ATP6V0D1: variants seen among roughly 807,000 people sequenced by gnomAD.
ATP6V0D1 encodes V-type proton ATPase subunit d 1.
In ATP6V0D1, 13 loss-of-function variants were observed where a neutral mutation model predicts 39.0. That is an observed-to-expected ratio of 0.33 (90% CI 0.22 to 0.53). ATP6V0D1 has a LOEUF of 0.53. Ranked by LOEUF, ATP6V0D1 falls within the 20% of genes least tolerant of loss-of-function variation. The pLI is 0.94. For synonymous variants in ATP6V0D1, 191 were observed against 191.2 expected, an observed-to-expected ratio of 1.00 and a Z score of 0.01; for missense variants, 272 against 470.9, an observed-to-expected ratio of 0.58 and a Z score of 3.91.
chr16:67,470,071 A>T (rs975797807), intron 1 of ATP6V0D1, among the ~76,000 whole-genome samples: 2 of 152,164 alleles, frequency 1.3e-5, no homozygotes, highest in African/African-American at 4.8e-5. Flanking sequence ...GTAAGAATAG[A>T]CCATGGTTTA....
intron 1 of ATP6V0D1, among the ~76,000 whole-genome samples, chr16:67,461,519 T>C (rs543665399): frequency 1.3e-5 from 2 of 152,304 alleles, no homozygotes; most frequent in South Asian, 4.1e-4. Context: ...TCTTGCTTCA[T>C]GGGAAACCTC....
chr16:67,461,945 C>T (rs1431206226), intron 1 of ATP6V0D1, among the ~76,000 whole-genome samples: 1 of 152,188 alleles, frequency 6.6e-6, no homozygotes, highest in Non-Finnish European at 1.5e-5. Flanking sequence ...CTCAGGAACA[C>T]CTTGTCCCTG....
intron 2 of ATP6V0D1, chr16:67,452,436 A>G: frequency 2.0e-6 from 3 of 1,529,244 alleles, no homozygotes; most frequent in Non-Finnish European, 2.6e-6. Flanking sequence ...ACTGCAGGGG[A>G]TAAGAATCAG....
intron 1 of ATP6V0D1, among the ~76,000 whole-genome samples, chr16:67,468,992 G>A (rs566633599): frequency 2.0e-5 from 3 of 152,340 alleles, no homozygotes; most frequent in Non-Finnish European, 4.4e-5. Context: ...TTACTGACTT[G>A]ACCATAAATA....
chr16:67,445,886 C>T, intron 2 of ATP6V0D1: 1 of 455,200 alleles, frequency 2.2e-6, no homozygotes, highest in South Asian at 1.6e-5. Context: ...ATCCTCCAGT[C>T]TGTCACCAAA....
At chr16:67,443,935 A>G (rs538117682) in intron 3 of ATP6V0D1, among the ~76,000 whole-genome samples, 3 of 152,318 alleles carry the variant, frequency 2.0e-5, no homozygotes, top group African/African-American at 7.2e-5. Flanking sequence ...TCTGGCTACA[A>G]GGACACTTAA....
Position 67,481,054 on chromosome 16 carries a change from C to A in ATP6V0D1, c.33G>T (p.Val11=), listed in dbSNP as rs1415355571. 1.2e-6 allele frequency: 2 copies of A among 1,614,174 alleles called. No individual in the cohort carries two copies. Among genetic ancestry groups the A allele is most frequent in the East Asian group, 4.5e-5 (2 of 44,878 alleles). The part of the protein sequence containing the change: MSFFPELYFN[V]DNGYLEGLVR... ...CCAGTCCCTCCAAGTAGCCATTGTC[C>A]ACGTTAAAGTAAAGCTCCGGGAAGA... Residue 11 remains valine (V), a synonymous_variant, in exon 1 of 8, where the codon GTG becomes GTT. Coordinates refer to ENST00000290949, the MANE Select transcript of ATP6V0D1 (RefSeq NM_004691.5).
At chr16:67,470,677 C>T (rs767157162) in intron 1 of ATP6V0D1, among the ~76,000 whole-genome samples, 7 of 152,182 alleles carry the variant, frequency 4.6e-5, no homozygotes, top group Non-Finnish European at 7.3e-5. Context: ...CTATCTCACA[C>T]AGCCAACTGC....
intron 4 of ATP6V0D1, chr16:67,440,930 T>A (rs2041043194): frequency 6.6e-6 from 1 of 152,244 alleles, no homozygotes; most frequent in Non-Finnish European, 1.5e-5. Flanking sequence ...CCTTTCACAG[T>A]CCCTCTAGGG....
intron 2 of ATP6V0D1, among the ~76,000 whole-genome samples, chr16:67,451,522 T>C (rs1437579569): frequency 2.0e-5 from 3 of 151,904 alleles, no homozygotes; most frequent in Non-Finnish European, 4.4e-5. Flanking sequence ...TTCCAGGTGG[T>C]GACATGGGCC....
At chr16:67,443,427 T>TGATCTAATCACCGCTGGGGCA in intron 3 of ATP6V0D1, 1 of 514,130 alleles carries the variant, frequency 1.9e-6, no homozygotes, top group Non-Finnish European at 3.5e-6. Flanking sequence ...AGCCATAACA[T>TGATCTAATCACCGCTGGGGCA]GATCTAATCA....
At chr16:67,439,587 C>T (rs920285174) in intron 4 of ATP6V0D1, 1 of 575,762 alleles carries the variant, frequency 1.7e-6, no homozygotes, top group Non-Finnish European at 3.1e-6. Flanking sequence ...AGGGCCCACC[C>T]GACTGTCTGC....
At chr16:67,478,692 C>G (rs1008106018) in intron 1 of ATP6V0D1, among the ~76,000 whole-genome samples, 5 of 112,800 alleles carry the variant, frequency 4.4e-5, no homozygotes, top group East Asian at 3.0e-4. Context: ...CACTAAAGAT[C>G]TGGATGGTAT....
rs147682957 is a variant in ATP6V0D1, at chr16:67,442,191, T to C, written c.561+908A>G. On this transcript the variant is annotated intron_variant, in intron 4 of 7. Transcript: ENST00000290949. ...TCTGGCCCAGGCCCCTGCAGGGAGA[T>C]TGGCAGGCCTGGGCTCAGGCTGCAG... 6.2e-3 allele frequency among the ~76,000 whole-genome samples: 943 copies of C among 152,362 alleles called. 7 individuals carry two copies. The highest frequency in any genetic ancestry group is 0.021 in the African/African-American group (876 of 41,590).
At chr16:67,452,649 A>AT (rs1339601704) in intron 2 of ATP6V0D1, among the ~76,000 whole-genome samples, 1 of 152,230 alleles carries the variant, frequency 6.6e-6, no homozygotes, top group Non-Finnish European at 1.5e-5. Context: ...GCCGCTGAGC[A>AT]TGCCTCTGCT....
rs1250340629 is a variant in ATP6V0D1, at chr16:67,447,627, C to G, written c.303-2921G>C. Among the ~76,000 whole-genome samples the G allele has an allele frequency of 6.6e-6, 1 of 152,218 alleles. No individual in the cohort carries two copies. The highest frequency in any genetic ancestry group is 2.4e-5 in the African/African-American group (1 of 41,460). On this transcript the variant is annotated intron_variant, in intron 2 of 7. Coordinates refer to ENST00000290949, the MANE Select transcript of ATP6V0D1 (RefSeq NM_004691.5). This position sits in a 1 kb window ranked among gnomAD's most constrained non-coding sequence, Gnocchi z 4.1. ...GGCCCTTGTGGGGTGGGGGTGGGGC[C>G]GTCTGTATTCCTCTGCCCAGAGGCC...
In ATP6V0D1 at chr16:67,438,797, T is replaced by C. The variant is rs2041008784; in HGVS notation, c.890A>G (p.His297Arg). The C allele has an allele frequency of 6.2e-7, 1 of 1,613,796 alleles. No homozygotes were observed. Among genetic ancestry groups the C allele is most frequent in the Non-Finnish European group, 8.5e-7 (1 of 1,179,972 alleles). The change falls in exon 7 of 8, where the codon CAC becomes CGC. Residue 297 changes from histidine to arginine, a missense_variant. His to Arg is a conservative substitution (Grantham distance 29, BLOSUM62 0). Transcript: ENST00000290949. Reference sequence around the variant, plus strand: ...AAGCAGACCCTGCAGACTCACCTCGTGCTCAAAGAATCGGTCCTCCAGCGT... The same window carrying C: ...AAGCAGACCCTGCAGACTCACCTCGCGCTCAAAGAATCGGTCCTCCAGCGT... ...DKTLEDRFFE[H>R]EVKLNKLAFL...
intron 2 of ATP6V0D1, among the ~76,000 whole-genome samples, chr16:67,451,866 T>C (rs891999638): frequency 9.2e-5 from 14 of 152,244 alleles, no homozygotes; most frequent in Admixed American, 9.2e-4. Context: ...TTTCATGGCC[T>C]GGCAGGCTAA....
At chr16:67,440,929 G>T (rs2041043158) in intron 4 of ATP6V0D1, 1 of 152,290 alleles carries the variant, frequency 6.6e-6, no homozygotes. Flanking sequence ...ACCTTTCACA[G>T]TCCCTCTAGG....
Sources: gnomAD v4.1 joint callset for allele counts (sites outside exome capture counted in the v4.1 genomes callset) on GRCh38, gnomAD v4.1.1 for gene constraint, Gnocchi (gnomAD v3.1) non-coding constraint, MANE v1.5 for transcripts, NCBI Gene and HGNC (gene_info 2026-07-23, HGNC 2026-07-21) for gene names.